The following MIR2052HG variants were observed in gnomAD, a reference collection of about 807,000 sequenced individuals.
The protein encoded by MIR2052HG is MIR2052 host gene.
intron 4 of MIR2052HG, among the ~76,000 whole-genome samples, chr8:74,737,431 G>A (rs1211825593): frequency 6.6e-6 from 1 of 152,076 alleles, no homozygotes; most frequent in Non-Finnish European, 1.5e-5. Flanking sequence ...CCCTGCTTTC[G>A]ATCTTTTGTT....
intron 2 of MIR2052HG, among the ~76,000 whole-genome samples, chr8:74,687,861 G>C (rs1809199684): frequency 6.6e-6 from 1 of 152,128 alleles, no homozygotes; most frequent in African/African-American, 2.4e-5. Flanking sequence ...GGGACACAAA[G>C]AAACTTTGGG....
At chr8:74,720,400 T>G (rs1444591239) in intron 4 of MIR2052HG, among the ~76,000 whole-genome samples, 1 of 152,196 alleles carries the variant, frequency 6.6e-6, no homozygotes. Context: ...ATGTAGTCAA[T>G]GCATAGCAAG....
At chr8:74,607,022 G>T (rs748675943) in intron 1 of MIR2052HG, among the ~76,000 whole-genome samples, 4 of 150,340 alleles carry the variant, frequency 2.7e-5, no homozygotes, top group Admixed American at 6.6e-5. Context: ...CAACTAAAAG[G>T]CAAAAAAATT....
In MIR2052HG at chr8:74,600,104, G is replaced by C. The variant is rs191405747; in HGVS notation, n.128+196G>C. Among the ~76,000 whole-genome samples, 3 of 152,244 alleles carry C rather than the reference G, an allele frequency of 2.0e-5. No homozygotes were observed. The East Asian group carries it at 5.8e-4, about 30-fold the overall frequency. On this transcript the variant is annotated intron_variant and non_coding_transcript_variant, in intron 1 of 6. Transcript: ENST00000523442. ...CTTCGGCTGGTGCACGGTGTGCACA[G>C]CCACTGACCTTCGCCCACTGTCTGG... is the stretch of plus-strand genomic sequence containing the variant.
At chr8:74,673,828 C>A (rs1586910117) in intron 2 of MIR2052HG, among the ~76,000 whole-genome samples, 1 of 148,650 alleles carries the variant, frequency 6.7e-6, no homozygotes, top group Non-Finnish European at 1.5e-5. Context: ...ATTAGCCTAA[C>A]TTTTTGATGC....
At chr8:74,691,924 TG>T (rs1178320042) in intron 2 of MIR2052HG, among the ~76,000 whole-genome samples, 31 of 152,208 alleles carry the variant, frequency 2.0e-4, no homozygotes, top group Non-Finnish European at 3.2e-4. Flanking sequence ...ACCCAATTTA[TG>T]CCATCAGTAG....
intron 1 of MIR2052HG, among the ~76,000 whole-genome samples, chr8:74,607,484 T>G (rs540689840): frequency 3.0e-4 from 46 of 152,082 alleles, no homozygotes; most frequent in South Asian, 2.3e-3. Context: ...TGGTGGTGGG[T>G]GCCTGTAATC....
chr8:74,734,419 A>G (rs1184015903), intron 4 of MIR2052HG, among the ~76,000 whole-genome samples: 1 of 152,212 alleles, frequency 6.6e-6, no homozygotes, highest in Non-Finnish European at 1.5e-5. Flanking sequence ...AATGTATAAA[A>G]CACACTGTGA....
intron 4 of MIR2052HG, among the ~76,000 whole-genome samples, chr8:74,748,536 C>G (rs1214974164): frequency 6.6e-6 from 1 of 152,146 alleles, no homozygotes; most frequent in Non-Finnish European, 1.5e-5. Flanking sequence ...TATTTTTCTG[C>G]TGTTATTTTT....
intron 1 of MIR2052HG, among the ~76,000 whole-genome samples, chr8:74,607,941 G>A (rs1808136099): frequency 6.6e-6 from 1 of 152,204 alleles, no homozygotes. Context: ...TGTGGGAGGT[G>A]TCTACATGTT....
intron 2 of MIR2052HG, among the ~76,000 whole-genome samples, chr8:74,679,172 C>T (rs1031129286): frequency 2.0e-5 from 3 of 151,924 alleles, no homozygotes; most frequent in Admixed American, 6.6e-5. Flanking sequence ...TGATGGTTTC[C>T]GAGATTTTTG....
chr8:74,704,220 C>T (rs535271722), intron 4 of MIR2052HG, among the ~76,000 whole-genome samples: 96 of 152,014 alleles, frequency 6.3e-4, no homozygotes, highest in African/African-American at 2.3e-3. Flanking sequence ...TAAAGAAGGC[C>T]TTAAGAGACA....
chr8:74,693,926 C>T (rs531417620), intron 2 of MIR2052HG, among the ~76,000 whole-genome samples: 113 of 152,210 alleles, frequency 7.4e-4, no homozygotes, highest in Admixed American at 7.1e-3. Flanking sequence ...GGCTCTATGG[C>T]CCTGCCCACC....
intron 2 of MIR2052HG, among the ~76,000 whole-genome samples, chr8:74,701,139 T>C (rs2128740840): frequency 6.6e-6 from 1 of 152,056 alleles, no homozygotes; most frequent in Non-Finnish European, 1.5e-5. Flanking sequence ...CTGAAAGGAG[T>C]GAAGTTTGAT....
chr8:74,617,911 A>G (rs1266676153), intron 2 of MIR2052HG, among the ~76,000 whole-genome samples: 2 of 152,182 alleles, frequency 1.3e-5, no homozygotes, highest in Non-Finnish European at 2.9e-5. Flanking sequence ...CTGGTGTAAG[A>G]TAGTATCTCA....
At chr8:74,693,610 CGGGGGGGGA>C (rs1809262453) in intron 2 of MIR2052HG, among the ~76,000 whole-genome samples, 1 of 8,664 alleles carries the variant, frequency 1.2e-4, no homozygotes, top group African/African-American at 1.5e-4. Context: ...ATTGCGGGGG[CGGGGGGGGA>C]GGGGTGGGAA....
chr8:74,678,037 T>C (rs1162756300), intron 2 of MIR2052HG, among the ~76,000 whole-genome samples: 1 of 152,036 alleles, frequency 6.6e-6, no homozygotes, highest in Non-Finnish European at 1.5e-5. Flanking sequence ...ATTAACAAAA[T>C]AGATGAATTC....
chr8:74,684,333 C>A (rs1809157229), intron 2 of MIR2052HG, among the ~76,000 whole-genome samples: 1 of 152,024 alleles, frequency 6.6e-6, no homozygotes. Flanking sequence ...CATAGGCATG[C>A]AAAAAGCCAA....
intron 2 of MIR2052HG, among the ~76,000 whole-genome samples, chr8:74,700,151 G>GAT (rs1809343955): frequency 2.0e-5 from 3 of 152,160 alleles, no homozygotes; most frequent in African/African-American, 7.2e-5. Context: ...CATGTATATA[G>GAT]ATAGACAATG....
Sources: allele counts gnomAD v4.1 joint callset (sites outside exome capture counted in the v4.1 genomes callset), GRCh38; gene constraint gnomAD v4.1.1; transcripts MANE v1.5; gene names NCBI Gene and HGNC (gene_info 2026-07-23, HGNC 2026-07-21).